TNIK: variants seen among roughly 807,000 people sequenced by gnomAD.
TNIK encodes TRAF2 and NCK-interacting protein kinase.
In TNIK, 49 loss-of-function variants were observed where a neutral mutation model predicts 191.3. That is an observed-to-expected ratio of 0.26 (90% CI 0.20 to 0.32). The LOEUF (loss-of-function observed/expected upper bound fraction) is 0.32. TNIK is among the 10% of genes least tolerant of loss of function. The pLI is 1.00. For synonymous variants in TNIK, 594 were observed against 600.9 expected (o/e 0.99, Z 0.17); for missense variants, 1,155 against 1,702.3 (o/e 0.68, Z 5.66).
chr3:171,446,616 G>T (rs1315127965), intron 1 of TNIK, among the ~76,000 whole-genome samples: 1 of 152,112 alleles, frequency 6.6e-6, no homozygotes, highest in Non-Finnish European at 1.5e-5. Context: ...TACTCTGGTG[G>T]TTTCCTGTTC....
intron 3 of TNIK, among the ~76,000 whole-genome samples, chr3:171,214,372 G>A (rs932369749): frequency 7.9e-5 from 12 of 152,242 alleles, no homozygotes; most frequent in Admixed American, 5.9e-4. Context: ...AAGTGAAAAA[G>A]TTATAGCCCC....
intron 1 of TNIK, among the ~76,000 whole-genome samples, chr3:171,377,506 G>A (rs1484719620): frequency 1.3e-5 from 2 of 152,186 alleles, no homozygotes; most frequent in Non-Finnish European, 2.9e-5. Context: ...TATACAATAA[G>A]CTATAATAGG....
intron 2 of TNIK, among the ~76,000 whole-genome samples, chr3:171,298,915 C>A (rs1201286173): frequency 6.6e-6 from 1 of 152,182 alleles, no homozygotes; most frequent in African/African-American, 2.4e-5. Flanking sequence ...ATGAGAAGGG[C>A]AATATGCAAG....
intron 4 of TNIK, among the ~76,000 whole-genome samples, chr3:171,203,691 C>A (rs879755410): frequency 1.3e-5 from 2 of 152,218 alleles, no homozygotes; most frequent in Non-Finnish European, 2.9e-5. Flanking sequence ...CAACTAAGAA[C>A]TAGTCTAATA....
chr3:171,164,258 T>C (rs925781463), intron 10 of TNIK, among the ~76,000 whole-genome samples: 3 of 152,230 alleles, frequency 2.0e-5, no homozygotes, highest in African/African-American at 4.8e-5. Context: ...ATTCCAGAGT[T>C]TGTGCCCCAC....
intron 18 of TNIK, among the ~76,000 whole-genome samples, chr3:171,117,495 A>AATACATATATATGAGACAT (rs11272478): frequency 0.88 from 133,716 of 151,242 alleles, 59,441 homozygotes; most frequent in African/African-American, 0.97. Context: ...TAAATTAGTA[A>AATACATATATATGAGACAT]ATACATATAT....
intron 4 of TNIK, among the ~76,000 whole-genome samples, chr3:171,210,321 A>G (rs768150055): frequency 6.6e-6 from 1 of 152,192 alleles, no homozygotes; most frequent in Non-Finnish European, 1.5e-5. Context: ...GGCCAAACCA[A>G]TACAGCATTA....
intron 2 of TNIK, among the ~76,000 whole-genome samples, chr3:171,295,867 GCAGGA>G (rs1752232243): frequency 6.6e-6 from 1 of 152,132 alleles, no homozygotes; most frequent in Admixed American, 6.6e-5. Context: ...CTCTTTAAAA[GCAGGA>G]CATGCCCCTC....
At chr3:171,108,024 T>G in intron 20 of TNIK, 41 bp downstream of exon 20, 1 of 1,544,786 alleles carries the variant, frequency 6.5e-7, no homozygotes, top group Non-Finnish European at 8.8e-7. Flanking sequence ...GGTTCTCTGG[T>G]AAATTAAGAG....
chr3:171,272,620 CT>C (rs1749250084), intron 2 of TNIK, among the ~76,000 whole-genome samples: 1 of 152,134 alleles, frequency 6.6e-6, no homozygotes, highest in African/African-American at 2.4e-5. Context: ...ATCAATTCTG[CT>C]GTTGATGCTT....
chr3:171,351,722 T>C (rs1240019065), intron 2 of TNIK, among the ~76,000 whole-genome samples: 2 of 152,190 alleles, frequency 1.3e-5, no homozygotes, highest in Non-Finnish European at 2.9e-5. Context: ...CTCTGCATCA[T>C]GTAACCTGGT....
chr3:171,100,191 C>T (rs1261400666), intron 22 of TNIK, among the ~76,000 whole-genome samples: 1 of 152,164 alleles, frequency 6.6e-6, no homozygotes, highest in Non-Finnish European at 1.5e-5. Context: ...AAAGGGCCAG[C>T]ATGTTTTGCA....
intron 2 of TNIK, among the ~76,000 whole-genome samples, chr3:171,270,506 T>A (rs1748958126): frequency 6.6e-6 from 1 of 152,194 alleles, no homozygotes; most frequent in South Asian, 2.1e-4. Context: ...TAGTGAGGCA[T>A]TCCCACCTAA....
At chr3:171,424,375 A>C (rs1035431358) in intron 1 of TNIK, among the ~76,000 whole-genome samples, 13 of 152,174 alleles carry the variant, frequency 8.5e-5, no homozygotes, top group African/African-American at 2.4e-4. Flanking sequence ...ACACTTTTAC[A>C]CTGTTGGTGG....
intron 1 of TNIK, among the ~76,000 whole-genome samples, chr3:171,399,607 TA>T (rs1720664472): frequency 1.3e-5 from 2 of 152,112 alleles, no homozygotes; most frequent in Admixed American, 1.3e-4. Flanking sequence ...AGGCAACCGA[TA>T]AAAAAATTAT....
chr3:171,187,356 T>C (rs968988817), intron 7 of TNIK, among the ~76,000 whole-genome samples: 2 of 152,222 alleles, frequency 1.3e-5, no homozygotes, highest in African/African-American at 4.8e-5. Context: ...GACAGATTGT[T>C]GTCAGGTTAT....
Position 171,084,280 on chromosome 3 carries a change from T to C in TNIK, c.3044A>G (p.Asn1015Ser), listed in dbSNP as rs932173937. 6 of 1,613,808 alleles carry C rather than the reference T, an allele frequency of 3.7e-6. No individual in the cohort carries two copies. In the Admixed American group the frequency reaches 6.7e-5, roughly 18 times the overall value. The change falls in exon 26 of 33, where the codon AAT (asparagine) becomes AGT (serine). Residue 1015 changes from asparagine to serine, a missense_variant. Around this residue, in one of 3 missense-constraint regions of TNIK, gnomAD observed 735 missense variants for 848.0 expected, o/e 0.87. Transcript: ENST00000436636. ...ELLRQEQAKL[N>S]EARKISVVNV... ...TACCACCGAAATCTTTCTTGCTTCATTGAGTTTGGCCTGTTCTTGCCTAAG... is the reference window on the plus strand; with the variant it reads ...TACCACCGAAATCTTTCTTGCTTCACTGAGTTTGGCCTGTTCTTGCCTAAG...
Position 171,301,856 on chromosome 3 carries a change from G to A in TNIK, c.123+67764C>T, listed in dbSNP as rs555606369. Among the ~76,000 whole-genome samples the A allele has an allele frequency of 2.6e-5, 4 of 152,294 alleles. 1 individual carries two copies. In the South Asian group the frequency reaches 8.3e-4, roughly 32 times the overall value. On this transcript the variant is annotated intron_variant, in intron 2 of 32. Coordinates refer to ENST00000436636, the MANE Select transcript of TNIK (RefSeq NM_015028.4). Reference sequence around the variant, plus strand: ...TTGGTATTTAATGGTACTGTGACATGTTCTTGTTCTAAAGTGATAATGCTG... The same window carrying A: ...TTGGTATTTAATGGTACTGTGACATATTCTTGTTCTAAAGTGATAATGCTG...
chr3:171,329,266 T>C (rs926063848), intron 2 of TNIK, among the ~76,000 whole-genome samples: 2 of 152,208 alleles, frequency 1.3e-5, no homozygotes, highest in African/African-American at 4.8e-5. Flanking sequence ...TAAAAAATTA[T>C]TTAATACCAT....
Sources: gnomAD v4.1 joint callset for allele counts (sites outside exome capture counted in the v4.1 genomes callset) on GRCh38, gnomAD v4.1.1 for gene constraint, gnomAD v4.1.1 regional missense constraint, MANE v1.5 for transcripts, NCBI Gene and HGNC (gene_info 2026-07-23, HGNC 2026-07-21) for gene names.